Variants in PCDH9 observed in about 807,000 individuals in gnomAD.
The protein encoded by PCDH9 is protocadherin 9.
Under a neutral mutation model 70.6 loss-of-function variants are expected in PCDH9, and 24 were observed. The observed-to-expected ratio is 0.34, with a 90% CI of 0.25 to 0.48. The LOEUF is 0.48. Among genes scored for constraint, PCDH9 ranks in the 20% least tolerant of loss-of-function variants. PCDH9 has a pLI of 0.99. For missense variants in PCDH9, 1,281 were observed against 1,503.6 expected (o/e 0.85, Z 2.45); for synonymous variants, 562 against 558.5 (o/e 1.01, Z -0.09).
intron 3 of PCDH9, among the ~76,000 whole-genome samples, chr13:66,851,575 TCACACACACA>T (rs59674873): frequency 0.016 from 2,294 of 146,830 alleles, 72 homozygotes; most frequent in African/African-American, 0.053. Flanking sequence ...CGCATCACCC[TCACACACACA>T]CACACACACA....
intron 2 of PCDH9, among the ~76,000 whole-genome samples, chr13:67,096,778 G>A (rs570702572): frequency 1.3e-5 from 2 of 152,112 alleles, no homozygotes; most frequent in African/African-American, 2.4e-5. Context: ...GTGATGGGGG[G>A]AAACTGCATG....
chr13:66,934,896 A>G (rs1219518076), intron 2 of PCDH9, among the ~76,000 whole-genome samples: 2 of 145,638 alleles, frequency 1.4e-5, no homozygotes, highest in African/African-American at 2.5e-5. Flanking sequence ...AATTTTTTGT[A>G]TTTTTAGTAG....
At chr13:66,887,246 AG>A (rs2082021750) in intron 3 of PCDH9, among the ~76,000 whole-genome samples, 1 of 152,070 alleles carries the variant, frequency 6.6e-6, no homozygotes, top group South Asian at 2.1e-4. Context: ...GAGCAGCTTC[AG>A]TATCATTAGT....
chr13:67,212,939 CG>C (rs1441254592), intron 2 of PCDH9: 2 of 152,048 alleles, frequency 1.3e-5, no homozygotes, highest in Non-Finnish European at 2.9e-5. Context: ...ATAGAAGGCG[CG>C]GTGGCTCACC....
At chr13:66,540,323 A>G (rs1173587063) in intron 4 of PCDH9, among the ~76,000 whole-genome samples, 2 of 152,198 alleles carry the variant, frequency 1.3e-5, no homozygotes, top group Non-Finnish European at 2.9e-5. Context: ...GCTCATATAA[A>G]TATATAACAT....
At chr13:66,910,757 C>T (rs533216029) in intron 2 of PCDH9, among the ~76,000 whole-genome samples, 10 of 152,074 alleles carry the variant, frequency 6.6e-5, no homozygotes. Context: ...TGTTTAGGTG[C>T]CACGTACCGT....
intron 4 of PCDH9, among the ~76,000 whole-genome samples, chr13:66,338,809 C>G (rs891161418): frequency 6.6e-6 from 1 of 151,758 alleles, no homozygotes; most frequent in Non-Finnish European, 1.5e-5. Flanking sequence ...TTTAATTTTT[C>G]TGACATGAAA....
At chr13:66,530,057 T>C (rs1201201849) in intron 4 of PCDH9, among the ~76,000 whole-genome samples, 1 of 152,054 alleles carries the variant, frequency 6.6e-6, no homozygotes, top group Non-Finnish European at 1.5e-5. Flanking sequence ...AGTTGTTACA[T>C]TGATATTTTG....
At chr13:66,460,014 G>C (rs1958393669) in intron 4 of PCDH9, among the ~76,000 whole-genome samples, 2 of 151,842 alleles carry the variant, frequency 1.3e-5, no homozygotes, top group African/African-American at 2.4e-5. Context: ...GCAAAAACAA[G>C]AAACTAACAT....
At chr13:66,470,228 A>G (rs1958591879) in intron 4 of PCDH9, among the ~76,000 whole-genome samples, 1 of 152,204 alleles carries the variant, frequency 6.6e-6, no homozygotes, top group African/African-American at 2.4e-5. Context: ...ATATAGACAC[A>G]GATGAGAAAG....
At chr13:66,446,250 G>C (rs752756103) in intron 4 of PCDH9, among the ~76,000 whole-genome samples, 14 of 151,824 alleles carry the variant, frequency 9.2e-5, no homozygotes, top group Non-Finnish European at 1.8e-4. Context: ...AATAAAAAGA[G>C]TAACCAACAT....
intron 4 of PCDH9, among the ~76,000 whole-genome samples, chr13:66,327,833 C>T (rs1260626558): frequency 6.6e-6 from 1 of 152,064 alleles, no homozygotes; most frequent in African/African-American, 2.4e-5. Flanking sequence ...GGATGTATAA[C>T]CAATGCATCC....
At chr13:66,658,645 A>G (rs1472276388) in intron 3 of PCDH9, among the ~76,000 whole-genome samples, 1 of 152,162 alleles carries the variant, frequency 6.6e-6, no homozygotes, top group Non-Finnish European at 1.5e-5. Context: ...ATGTATCTAT[A>G]CATTCTAGGT....
intron 4 of PCDH9, among the ~76,000 whole-genome samples, chr13:66,342,846 G>C (rs1010342154): frequency 6.6e-6 from 1 of 150,590 alleles, no homozygotes; most frequent in East Asian, 2.0e-4. Flanking sequence ...AGTTTTCACC[G>C]TGTTGCCCAG....
chr13:66,504,111 T>C (rs143171285), intron 4 of PCDH9, among the ~76,000 whole-genome samples: 88 of 152,300 alleles, frequency 5.8e-4, no homozygotes, highest in African/African-American at 2.1e-3. Flanking sequence ...GCTGAGTCAT[T>C]GTACTCACTG....
At chr13:67,151,195 A>T (rs559417601) in intron 2 of PCDH9, among the ~76,000 whole-genome samples, 34 of 151,910 alleles carry the variant, frequency 2.2e-4, no homozygotes, top group African/African-American at 7.2e-4. Context: ...TCCTTTTTTA[A>T]AAAAAAATCA....
At chr13:66,965,530 A>C (rs1242534676) in intron 2 of PCDH9, among the ~76,000 whole-genome samples, 9 of 152,088 alleles carry the variant, frequency 5.9e-5, no homozygotes, top group African/African-American at 2.2e-4. Flanking sequence ...TGCCCCAAAA[A>C]CAACCAGCTC....
intron 2 of PCDH9, among the ~76,000 whole-genome samples, chr13:67,058,570 G>A (rs150186428): frequency 2.6e-3 from 400 of 152,124 alleles, no homozygotes; most frequent in African/African-American, 9.3e-3. Flanking sequence ...TTTTCCTCCC[G>A]CCACAAAAGT....
chr13:66,648,908 T>A (rs1042314765), intron 3 of PCDH9, among the ~76,000 whole-genome samples: 9 of 151,928 alleles, frequency 5.9e-5, no homozygotes, highest in Non-Finnish European at 8.8e-5. Flanking sequence ...CCAAGCATAA[T>A]GCAATTGACA....
Sources: allele counts gnomAD v4.1 joint callset (sites outside exome capture counted in the v4.1 genomes callset), GRCh38; gene constraint gnomAD v4.1.1; transcripts MANE v1.5; gene names NCBI Gene and HGNC (gene_info 2026-07-23, HGNC 2026-07-21).